FBN1: variants seen among roughly 807,000 people sequenced by gnomAD.
FBN1 encodes the protein fibrillin 1, also known as fibrillin-1.
FBN1 carries 29 observed loss-of-function variants against 365.1 expected under a neutral mutation model. The observed-to-expected ratio is 0.08, with a 90% CI of 0.06 to 0.11. The LOEUF (loss-of-function observed/expected upper bound fraction) is 0.11. Among genes scored for constraint, FBN1 ranks in the 10% least tolerant of loss-of-function variants. The probability of loss-of-function intolerance (pLI) is 1.00; values close to 1 mark genes in which losing one functional copy is unlikely to be tolerated. For synonymous variants in FBN1, 1,210 were observed against 1,270.5 expected (o/e 0.95, Z 1.01); for missense variants, 2,476 against 3,703.2 (o/e 0.67, Z 8.60).
At chr15:48,627,692 A>C (rs187349525) in intron 2 of FBN1, among the ~76,000 whole-genome samples, 189 of 152,312 alleles carry the variant, frequency 1.2e-3, no homozygotes, top group African/African-American at 4.4e-3. Flanking sequence ...CTGCTGGGAT[A>C]TTGTCCATTA....
At chr15:48,637,353 A>T (rs1890112196) in intron 2 of FBN1, among the ~76,000 whole-genome samples, 1 of 152,156 alleles carries the variant, frequency 6.6e-6, no homozygotes, top group Non-Finnish European at 1.5e-5. Flanking sequence ...TCACAACATC[A>T]GTGACATTTA....
At chr15:48,633,670 C>T (rs947157920) in intron 2 of FBN1, among the ~76,000 whole-genome samples, 10 of 152,040 alleles carry the variant, frequency 6.6e-5, no homozygotes, top group South Asian at 2.1e-4. Context: ...CAGGGCTGAC[C>T]GCTGAGAGAG....
At chr15:48,568,494 A>T (rs932465597) in intron 6 of FBN1, among the ~76,000 whole-genome samples, 8 of 152,096 alleles carry the variant, frequency 5.3e-5, no homozygotes, top group African/African-American at 1.9e-4. Flanking sequence ...TTTTGTGGAA[A>T]CTGACAAGTT....
chr15:48,567,231 A>G (rs943136414), intron 6 of FBN1, among the ~76,000 whole-genome samples: 29 of 152,368 alleles, frequency 1.9e-4, no homozygotes, highest in African/African-American at 6.5e-4. Flanking sequence ...TTCATGGAGT[A>G]ATTTAATATA....
At chr15:48,475,351 T>C (rs557679500) in intron 32 of FBN1, among the ~76,000 whole-genome samples, 4 of 152,278 alleles carry the variant, frequency 2.6e-5, no homozygotes, top group African/African-American at 9.6e-5. Context: ...ATATAAGGAA[T>C]ACCAGATTAG....
intron 38 of FBN1, among the ~76,000 whole-genome samples, chr15:48,466,148 T>A (rs1259189123): frequency 6.6e-6 from 1 of 152,198 alleles, no homozygotes; most frequent in Non-Finnish European, 1.5e-5. Flanking sequence ...CATCCCTTAT[T>A]TCTTTTTACA....
intron 55 of FBN1, among the ~76,000 whole-genome samples, chr15:48,432,122 G>A (rs2043026939): frequency 6.6e-6 from 1 of 151,846 alleles, no homozygotes; most frequent in Admixed American, 6.6e-5. Context: ...CTGTCCTATT[G>A]TACTTCTTTA....
Position 48,597,524 on chromosome 15 carries a change from G to C in FBN1, c.443-1146C>G, listed in dbSNP as rs1339554882. ...CCTTCCTTCCCTCCCTCCTTGCACA[G>C]GATCAGACAGGCATCATGGTCTGAA... On this transcript the variant is annotated intron_variant, in intron 5 of 65. Coordinates refer to ENST00000316623, the MANE Select transcript of FBN1 (RefSeq NM_000138.5). Among the ~76,000 whole-genome samples, 11 of 152,136 alleles carry C rather than the reference G, an allele frequency of 7.2e-5. No homozygotes were observed. In the East Asian group the frequency reaches 1.9e-3, roughly 27 times the overall value.
intron 55 of FBN1, among the ~76,000 whole-genome samples, chr15:48,431,265 T>A (rs1248243337): frequency 6.6e-6 from 1 of 151,474 alleles, no homozygotes; most frequent in Non-Finnish European, 1.5e-5. Flanking sequence ...GCCTGGCTAA[T>A]TTTTTTTGTA....
At chr15:48,563,899 T>A (rs2044241697) in intron 6 of FBN1, among the ~76,000 whole-genome samples, 1 of 152,334 alleles carries the variant, frequency 6.6e-6, no homozygotes, top group South Asian at 2.1e-4. Context: ...AATCTTGATA[T>A]ATTTCAAAAA....
intron 6 of FBN1, among the ~76,000 whole-genome samples, chr15:48,551,924 A>G (rs1192840813): frequency 6.6e-6 from 1 of 152,156 alleles, no homozygotes; most frequent in African/African-American, 2.4e-5. Flanking sequence ...AGTTAGGTGG[A>G]TTTCATTTCT....
chr15:48,559,387 T>G (rs1220737950), intron 6 of FBN1, among the ~76,000 whole-genome samples: 1 of 152,018 alleles, frequency 6.6e-6, no homozygotes, highest in Non-Finnish European at 1.5e-5. Context: ...GTCTGGCGGG[T>G]GGAGGCTGGA....
At chr15:48,536,080 G>A (rs1413000918) in intron 7 of FBN1, among the ~76,000 whole-genome samples, 2 of 152,052 alleles carry the variant, frequency 1.3e-5, no homozygotes, top group Non-Finnish European at 2.9e-5. Flanking sequence ...CCAGCAAGGA[G>A]CAAGAGCCAC....
At chr15:48,586,645 G>A (rs1047008677) in intron 6 of FBN1, among the ~76,000 whole-genome samples, 18 of 152,170 alleles carry the variant, frequency 1.2e-4, no homozygotes, top group Admixed American at 7.9e-4. Context: ...CAAAGGATGA[G>A]TGTCTCATGC....
intron 16 of FBN1, among the ~76,000 whole-genome samples, chr15:48,504,823 T>A (rs2043694641): frequency 6.6e-6 from 1 of 152,248 alleles, no homozygotes; most frequent in African/African-American, 2.4e-5. Context: ...GGGGATTCCC[T>A]TGCTTTTCAC....
Position 48,412,577 on chromosome 15 carries a change from T to C in FBN1, c.8218A>G (p.Asn2740Asp), listed in dbSNP as rs397515860. The C allele has an allele frequency of 3.7e-6, 6 of 1,613,960 alleles. No individual in the cohort carries two copies. The highest frequency in any genetic ancestry group is 5.1e-6 in the Non-Finnish European group (6 of 1,179,934). ...RRSTNETDASNIEDQSETEAN... is the reference protein window; with the variant it reads ...RRSTNETDASDIEDQSETEAN... Reference sequence around the variant, plus strand: ...ACTAACTTCTGACCCACCTCGATATTGGAGGCATCAGTTTCGTTTGTGCTT... The same window carrying C: ...ACTAACTTCTGACCCACCTCGATATCGGAGGCATCAGTTTCGTTTGTGCTT... Residue 2740 changes from asparagine to aspartate, a missense_variant, in exon 65 of 66, where the codon AAT (asparagine) becomes GAT (aspartate). Coordinates refer to ENST00000316623, the MANE Select transcript of FBN1 (RefSeq NM_000138.5).
chr15:48,473,149 C>G (rs2043391899), intron 34 of FBN1, among the ~76,000 whole-genome samples: 2 of 152,134 alleles, frequency 1.3e-5, no homozygotes, highest in Admixed American at 1.3e-4. Flanking sequence ...CCACACATGC[C>G]TAATACATGG....
chr15:48,412,944 C>T (rs1274675467), intron 64 of FBN1, among the ~76,000 whole-genome samples: 1 of 152,202 alleles, frequency 6.6e-6, no homozygotes, highest in African/African-American at 2.4e-5. Flanking sequence ...GTATTGATTT[C>T]CTTCTACTGC....
intron 2 of FBN1, among the ~76,000 whole-genome samples, chr15:48,618,240 A>G (rs1347736895): frequency 6.6e-6 from 1 of 152,188 alleles, no homozygotes; most frequent in Non-Finnish European, 1.5e-5. Context: ...AACTTCCACT[A>G]TAAAAAATGT....
Sources: allele counts gnomAD v4.1 joint callset (sites outside exome capture counted in the v4.1 genomes callset), GRCh38; gene constraint gnomAD v4.1.1; transcripts MANE v1.5; gene names NCBI Gene and HGNC (gene_info 2026-07-23, HGNC 2026-07-21).